Variants in WNK2 observed in about 807,000 individuals in gnomAD.
The protein encoded by WNK2 is serine/threonine-protein kinase WNK2.
A neutral mutation model predicts 192.1 loss-of-function variants in WNK2; 67 were observed. The observed-to-expected ratio is 0.35, with a 90% CI of 0.29 to 0.43. The LOEUF (loss-of-function observed/expected upper bound fraction) is 0.43. Among genes scored for constraint, WNK2 ranks in the 20% least tolerant of loss-of-function variants. The pLI is 1.00. For synonymous variants in WNK2, 1,439 were observed against 1,393.9 expected (o/e 1.03, Z -0.72); for missense variants, 2,698 against 3,089.7 (o/e 0.87, Z 3.01).
intron 2 of WNK2, among the ~76,000 whole-genome samples, chr9:93,223,405 C>G (rs1164611484): frequency 6.6e-6 from 1 of 152,226 alleles, no homozygotes; most frequent in African/African-American, 2.4e-5. Flanking sequence ...GCCTTCTTCC[C>G]CAGGCTGCCT....
chr9:93,298,144 C>A, intron 24 of WNK2, 77 bp downstream of exon 24: 5 of 1,460,746 alleles, frequency 3.4e-6, no homozygotes, highest in Non-Finnish European at 4.6e-6. Flanking sequence ...AGGCTCCGTG[C>A]AGGTGTGACA....
Position 93,259,473 on chromosome 9 carries a change from CCCTCAACCT to C in WNK2, c.2926_2934del (p.Pro976_Pro978del). The stretch of plus-strand genomic sequence containing the variant: ...TGTTGCCCCCGCAACCCACACGGCC[CCCTCAACCT>C]GTGCTGCCCCCGCAACCCATGCTGC... On this transcript the variant is annotated inframe_deletion, in exon 12 of 30. Transcript: ENST00000427277. This position sits in a 1 kb window ranked among gnomAD's most constrained non-coding sequence, Gnocchi z 4.8. 1 of 1,490,758 alleles carries C rather than the reference CCCTCAACCT, an allele frequency of 6.7e-7. No individual in the cohort carries two copies. Among genetic ancestry groups the C allele is most frequent in the Non-Finnish European group, 8.9e-7 (1 of 1,125,286 alleles). 92.3% of individuals were successfully genotyped at this position (1,490,758 alleles called of 1,614,324 possible). A position where few individuals can be genotyped will look rare whatever the true frequency, so the allele number is the denominator to read the frequency against.
chr9:93,214,281 A>G (rs1040751213), intron 2 of WNK2, among the ~76,000 whole-genome samples: 1 of 151,338 alleles, frequency 6.6e-6, no homozygotes. Flanking sequence ...TCATCACTTT[A>G]TTATTTTTTA....
At position 93,221,696 on chromosome 9, in the gene WNK2, C is replaced by T. The variant is rs920287155; in HGVS notation, c.682-8000C>T. Among the ~76,000 whole-genome samples, 7 of 152,114 alleles carry T rather than the reference C, an allele frequency of 4.6e-5. No individual in the cohort carries two copies. The South Asian group carries it at 1.0e-3, about 23-fold the overall frequency. The stretch of plus-strand genomic sequence containing the variant: ...AAATCCTTTGGTCCTTAGAGTCTTA[C>T]GTTCGCAGGAAACTAAGGAAAGCTA... On this transcript the variant is annotated intron_variant, in intron 2 of 29. Transcript: ENST00000427277.
At chr9:93,299,352 G>A in intron 25 of WNK2, 91 bp downstream of exon 25, 3 of 1,362,344 alleles carry the variant, frequency 2.2e-6, no homozygotes, top group Non-Finnish European at 1.9e-6. Flanking sequence ...GTGTAGAGGG[G>A]TTGCAAGCTG....
intron 2 of WNK2, among the ~76,000 whole-genome samples, chr9:93,193,333 G>C (rs1394564710): frequency 6.6e-6 from 1 of 152,172 alleles, no homozygotes; most frequent in Non-Finnish European, 1.5e-5. Context: ...GCCCTTCATG[G>C]CTGGGGGCTC....
intron 2 of WNK2, among the ~76,000 whole-genome samples, chr9:93,202,963 G>A (rs922747948): frequency 4.6e-5 from 7 of 152,122 alleles, no homozygotes; most frequent in African/African-American, 1.7e-4. Flanking sequence ...AGGCACCCAG[G>A]CTGGTTTCCA....
chr9:93,185,430 CACT>C lies in WNK2; in HGVS notation c.502_504del (p.Thr168del), dbSNP rs759258510. ...CCGAGGCGAAGCCTGAGCCCGGGCG[CACT>C]CGCCGGGACGAGCCCGAAGAGGAGG... On this transcript the variant is annotated inframe_deletion, in exon 2 of 30. Transcript: ENST00000427277. 5 of 1,611,578 alleles carry C rather than the reference CACT, an allele frequency of 3.1e-6. No homozygotes were observed. Among genetic ancestry groups the C allele is most frequent in the Non-Finnish European group, 2.5e-6 (3 of 1,179,452 alleles).
Position 93,259,441 on chromosome 9 carries a change from C to A in WNK2, c.2893C>A (p.Gln965Lys). The change falls in exon 12 of 30, where the codon CAA becomes AAA. Residue 965 changes from glutamine to lysine, a missense_variant. Gln to Lys is a moderately conservative substitution (Grantham distance 53). Transcript: ENST00000427277. The surrounding 1 kb of genome is among the most constrained non-coding windows in gnomAD (Gnocchi z 4.8). Reference sequence around the variant, plus strand: ...GCCCCCGCAACCCACGCTGCCCCCTCAACCTGTGTTGCCCCCGCAACCCAC... The same window carrying A: ...GCCCCCGCAACCCACGCTGCCCCCTAAACCTGTGTTGCCCCCGCAACCCAC... ...VLPPQPTLPP[Q>K]PVLPPQPTRP... The A allele has an allele frequency of 6.6e-7, 1 of 1,525,280 alleles. No homozygotes were observed. The highest frequency in any genetic ancestry group is 1.9e-5 in the Admixed American group (1 of 51,744). The allele number at this position is 1,525,280 out of a possible 1,614,324, so 94.5% of individuals were successfully genotyped here. A position where few individuals can be genotyped will look rare whatever the true frequency, so the allele number is the denominator to read the frequency against.
intron 9 of WNK2, among the ~76,000 whole-genome samples, chr9:93,255,818 A>G (rs1843201429): frequency 6.6e-6 from 1 of 152,208 alleles, no homozygotes; most frequent in South Asian, 2.1e-4. Context: ...AATGGCAGCA[A>G]ATACCCATTC....
rs1042474133 is a variant in WNK2 at position 93,243,754 on chromosome 9, C to T, written c.1542+3778C>T. On this transcript the variant is annotated intron_variant, in intron 7 of 29. Coordinates refer to ENST00000427277, the MANE Select transcript of WNK2 (RefSeq NM_006648.4). ...TCCAGGTTCTAACCTCACACTCCTC[C>T]TTCCCACCCGCTTCAGACACCAGAG... 2.6e-5 allele frequency among the ~76,000 whole-genome samples: 4 copies of T among 152,330 alleles called. No homozygotes were observed. In the South Asian group the frequency reaches 6.2e-4, roughly 24 times the overall value.
rs1848930923 is a variant in WNK2, at chr9:93,289,198, C to T, written c.4444C>T (p.Pro1482Ser). Residue 1482 changes from proline (P) to serine (S), a missense_variant, in exon 20 of 30, where the codon CCC becomes TCC. Pro to Ser is a moderately conservative substitution (Grantham distance 74). This residue lies in a region of WNK2 where 1,098 missense variants were observed against 1,101.0 expected (regional missense o/e 1.00). Coordinates refer to ENST00000427277, the MANE Select transcript of WNK2 (RefSeq NM_006648.4). ...REPLPPPAPE[P>S]SPHSGTPQPA... is the part of the protein sequence containing the mutation. ...GCCCCTGCCACCTCCTGCACCTGAG[C>T]CCAGCCCCCACAGCGGGACCCCACA... 1 of 1,602,642 alleles carries T rather than the reference C, an allele frequency of 6.2e-7. No individual in the cohort carries two copies. The highest frequency in any genetic ancestry group is 1.1e-5 in the South Asian group (1 of 90,440).
At chr9:93,295,232 G>C (rs1456044395) in intron 23 of WNK2, among the ~76,000 whole-genome samples, 1 of 152,084 alleles carries the variant, frequency 6.6e-6, no homozygotes, top group African/African-American at 2.4e-5. Context: ...GTGCGGCCTC[G>C]GAGCAGAGTT....
rs1349917015 is a variant in WNK2, at chr9:93,289,315, C to T, written c.4561C>T (p.Pro1521Ser). 1.9e-6 allele frequency: 3 copies of T among 1,598,308 alleles called. No individual in the cohort carries two copies. The highest frequency in any genetic ancestry group is 2.3e-5 in the East Asian group (1 of 43,928). Reference protein sequence around the residue: ...TSQLPSPPLGPTVPPQPPSAL... With the variant: ...TSQLPSPPLGSTVPPQPPSAL... ...CCAGCTCCCAAGCCCACCCCTGGGG[C>T]CCACCGTCCCCCCACAGCCACCCTC... Residue 1521 changes from proline (P) to serine (S), a missense_variant, in exon 20 of 30, where the codon CCC (proline) becomes TCC (serine). Pro to Ser is a moderately conservative substitution (Grantham distance 74). This residue lies in a region of WNK2 where 1,098 missense variants were observed against 1,101.0 expected (regional missense o/e 1.00). Coordinates refer to ENST00000427277, the MANE Select transcript of WNK2 (RefSeq NM_006648.4).
chr9:93,216,886 A>T (rs1835839671), intron 2 of WNK2, among the ~76,000 whole-genome samples: 1 of 152,216 alleles, frequency 6.6e-6, no homozygotes, highest in South Asian at 2.1e-4. Context: ...ATTAATTTTA[A>T]CAGATGGAAT....
chr9:93,297,577 G>A (rs1454667322), intron 23 of WNK2, among the ~76,000 whole-genome samples: 1 of 152,248 alleles, frequency 6.6e-6, no homozygotes, highest in Non-Finnish European at 1.5e-5. Flanking sequence ...TTCCGAGTCT[G>A]GGTATTTGGA....
intron 29 of WNK2, 137 bp downstream of exon 29, chr9:93,317,768 C>A: frequency 4.8e-6 from 7 of 1,468,826 alleles, no homozygotes; most frequent in Non-Finnish European, 6.4e-6. Flanking sequence ...GCAGCTGGAA[C>A]ACCCCCCAGG....
At chr9:93,253,110 T>TTCCCCA in intron 9 of WNK2, 28 bp downstream of exon 9, 1 of 1,374,492 alleles carries the variant, frequency 7.3e-7, no homozygotes, top group South Asian at 1.7e-5. Flanking sequence ...TCCCACCCCC[T>TTCCCCA]TCCCCATCCC....
In WNK2 at chr9:93,289,997, C is replaced by T. The variant is rs1285640668; in HGVS notation, c.4886C>T (p.Ala1629Val). 6.3e-7 allele frequency: 1 copy of T among 1,577,270 alleles called. No individual in the cohort carries two copies. Among genetic ancestry groups the T allele is most frequent in the Non-Finnish European group, 8.6e-7 (1 of 1,160,424 alleles). ...CTCCAGGTGGAGAAGTCAGAACTGGCCCCCACTCGAGGGGCCGTGATGGAG... is the reference window on the plus strand; with the variant it reads ...CTCCAGGTGGAGAAGTCAGAACTGGTCCCCACTCGAGGGGCCGTGATGGAG... ...PQPLVEKSEL[A>V]PTRGAVMEQG... The change falls in exon 21 of 30, where the codon GCC becomes GTC. Residue 1629 changes from alanine (A) to valine (V), a missense_variant. Coordinates refer to ENST00000427277, the MANE Select transcript of WNK2 (RefSeq NM_006648.4).
Sources: gnomAD v4.1 joint callset for allele counts (sites outside exome capture counted in the v4.1 genomes callset) on GRCh38, gnomAD v4.1.1 for gene constraint, gnomAD v4.1.1 regional missense constraint, Gnocchi (gnomAD v3.1) non-coding constraint, MANE v1.5 for transcripts, NCBI Gene and HGNC (gene_info 2026-07-23, HGNC 2026-07-21) for gene names.